The following TTC7B variants were observed in gnomAD, a reference collection of about 807,000 sequenced individuals.
TTC7B encodes the protein tetratricopeptide repeat domain 7B.
In TTC7B, 28 loss-of-function variants were observed where a neutral mutation model predicts 106.8. The ratio of observed to expected loss-of-function variants is 0.26; its 90% CI spans 0.19 to 0.36. The LOEUF (loss-of-function observed/expected upper bound fraction) is 0.36, where lower values mean the gene tolerates loss of function less well. Among genes scored for constraint, TTC7B ranks in the 10% least tolerant of loss-of-function variants. The pLI, the probability that TTC7B is intolerant of heterozygous loss-of-function variation, is 1.00. For missense variants in TTC7B, 862 were observed against 1,076.4 expected, an observed-to-expected ratio of 0.80 and a Z score of 2.79; for synonymous variants, 405 against 430.6, an observed-to-expected ratio of 0.94 and a Z score of 0.74.
chr14:90,639,768 A>C (rs1181696007), intron 15 of TTC7B, among the ~76,000 whole-genome samples: 1 of 152,176 alleles, frequency 6.6e-6, no homozygotes, highest in Non-Finnish European at 1.5e-5. Flanking sequence ...AAAACAACCC[A>C]CGTATCTATT....
At chr14:90,682,371 G>A (rs1887087056) in intron 7 of TTC7B, among the ~76,000 whole-genome samples, 1 of 152,200 alleles carries the variant, frequency 6.6e-6, no homozygotes, top group African/African-American at 2.4e-5. Flanking sequence ...GGCAAGGTGG[G>A]TACTCAGGAG....
intron 14 of TTC7B, chr14:90,645,145 C>T (rs1253355155): frequency 6.6e-6 from 1 of 152,302 alleles, no homozygotes; most frequent in Non-Finnish European, 1.5e-5. Context: ...CAACTCCAGT[C>T]CTCTGTGGGG....
At chr14:90,648,056 T>C (rs550102467) in intron 13 of TTC7B, among the ~76,000 whole-genome samples, 1 of 152,298 alleles carries the variant, frequency 6.6e-6, no homozygotes, top group East Asian at 1.9e-4. Flanking sequence ...TTGGACTGTC[T>C]GCTGCAGGGA....
At chr14:90,754,866 A>G (rs1005202406) in intron 3 of TTC7B, among the ~76,000 whole-genome samples, 1 of 152,218 alleles carries the variant, frequency 6.6e-6, no homozygotes, top group Non-Finnish European at 1.5e-5. Context: ...TTGACTTAGC[A>G]TAATGTTTTC....
In TTC7B at chr14:90,746,324, T is replaced by G. The variant is rs1327857666; in HGVS notation, c.446-1402A>C. 3.3e-5 allele frequency among the ~76,000 whole-genome samples: 5 copies of G among 152,160 alleles called. No homozygotes were observed. The East Asian group carries it at 9.6e-4, about 29-fold the overall frequency. On this transcript the variant is annotated intron_variant, in intron 3 of 19. Coordinates refer to ENST00000328459, the MANE Select transcript of TTC7B (RefSeq NM_001010854.2). ...GCTTTAGTAGTTTATATCTTCCAAATAGTTTGTCCATTTCTTTTGAGTTGT... is the reference window on the plus strand; with the variant it reads ...GCTTTAGTAGTTTATATCTTCCAAAGAGTTTGTCCATTTCTTTTGAGTTGT...
chr14:90,628,944 T>C (rs1884569610), intron 15 of TTC7B, among the ~76,000 whole-genome samples: 1 of 152,262 alleles, frequency 6.6e-6, no homozygotes. Flanking sequence ...AGGTGAGCGA[T>C]TCTTCGGAGG....
At chr14:90,545,734 G>A (rs1889801261) in intron 19 of TTC7B, among the ~76,000 whole-genome samples, 1 of 152,226 alleles carries the variant, frequency 6.6e-6, no homozygotes, top group African/African-American at 2.4e-5. Flanking sequence ...CCAACTGTGG[G>A]GGCTGCAGGG....
chr14:90,750,086 T>C (rs1198882012), intron 3 of TTC7B, among the ~76,000 whole-genome samples: 2 of 152,204 alleles, frequency 1.3e-5, no homozygotes, highest in Non-Finnish European at 2.9e-5. Flanking sequence ...ATAAATAAAA[T>C]GAACAAATTC....
At position 90,538,871 on chromosome 14, in the gene TTC7B, C is replaced by T. The variant is rs1280338234; in HGVS notation, c.*2497G>A. The T allele has an allele frequency of 1.3e-5, 2 of 152,234 alleles. No homozygotes were observed. Among genetic ancestry groups the T allele is most frequent in the South Asian group, 2.1e-4 (1 of 4,824 alleles). The allele number at this position is 152,234 out of a possible 1,614,324, so 9.4% of individuals were successfully genotyped here. A position where few individuals can be genotyped will look rare whatever the true frequency, so the allele number is the denominator to read the frequency against. On this transcript the variant is annotated 3_prime_UTR_variant, in exon 20 of 20. Coordinates refer to ENST00000328459, the MANE Select transcript of TTC7B (RefSeq NM_001010854.2). ...AGTGCTCCAGCGGTGACCCGGGGCCCGGCTCTCTTTCCACCTCCTCATTCT... is the reference window on the plus strand; with the variant it reads ...AGTGCTCCAGCGGTGACCCGGGGCCTGGCTCTCTTTCCACCTCCTCATTCT...
intron 17 of TTC7B, among the ~76,000 whole-genome samples, chr14:90,598,929 C>T (rs956990810): frequency 6.6e-6 from 1 of 152,088 alleles, no homozygotes; most frequent in South Asian, 2.1e-4. Context: ...GGGTGGATCA[C>T]TTGAGGTCAG....
intron 1 of TTC7B, among the ~76,000 whole-genome samples, chr14:90,796,847 T>TC (rs1043660109): frequency 6.2e-5 from 9 of 145,842 alleles, no homozygotes; most frequent in African/African-American, 2.2e-4. Context: ...CATTTCTTTT[T>TC]CTTTTTTTCT....
At chr14:90,638,308 C>A (rs903356101) in intron 15 of TTC7B, among the ~76,000 whole-genome samples, 2 of 152,052 alleles carry the variant, frequency 1.3e-5, no homozygotes, top group Non-Finnish European at 2.9e-5. Flanking sequence ...ATTTTAATCA[C>A]CTCAGAAAAA....
At chr14:90,612,710 A>C (rs569117265) in intron 16 of TTC7B, among the ~76,000 whole-genome samples, 1 of 152,352 alleles carries the variant, frequency 6.6e-6, no homozygotes, top group Admixed American at 6.5e-5. Flanking sequence ...TGTGAGGATG[A>C]CATAAGGTCA....
At chr14:90,777,874 T>A (rs1401301863) in intron 3 of TTC7B, among the ~76,000 whole-genome samples, 1 of 152,198 alleles carries the variant, frequency 6.6e-6, no homozygotes, top group Admixed American at 6.5e-5. Flanking sequence ...CAGCTGACAT[T>A]TACGTTGCGC....
chr14:90,644,215 T>G lies in TTC7B; in HGVS notation c.1591-7A>C, dbSNP rs1885323970. 7 of 1,567,074 alleles carry G rather than the reference T, an allele frequency of 4.5e-6. No homozygotes were observed. The highest frequency in any genetic ancestry group is 6.0e-6 in the Non-Finnish European group (7 of 1,161,538). ...ACCCCAGAGCCTCTGGGATCTGGTTTAAAACAAAACCAAAAAAGGTTTTAC... is the reference window on the plus strand; with the variant it reads ...ACCCCAGAGCCTCTGGGATCTGGTTGAAAACAAAACCAAAAAAGGTTTTAC... On this transcript the variant is annotated splice_region_variant and splice_polypyrimidine_tract_variant and intron_variant, in intron 14 of 19. Coordinates refer to ENST00000328459, the MANE Select transcript of TTC7B (RefSeq NM_001010854.2).
chr14:90,667,098 C>T (rs1886440452), intron 9 of TTC7B, among the ~76,000 whole-genome samples: 1 of 152,228 alleles, frequency 6.6e-6, no homozygotes, highest in South Asian at 2.1e-4. Context: ...TGGCTTGGGG[C>T]ACTGGGTTTT....
At chr14:90,541,934 CT>C (rs1889610984) in intron 19 of TTC7B, among the ~76,000 whole-genome samples, 1 of 152,162 alleles carries the variant, frequency 6.6e-6, no homozygotes, top group Admixed American at 6.5e-5. Flanking sequence ...GACTATCATC[CT>C]TTTCTGTTTG....
chr14:90,583,686 C>A (rs1353792556), intron 18 of TTC7B, among the ~76,000 whole-genome samples: 1 of 152,100 alleles, frequency 6.6e-6, no homozygotes, highest in Non-Finnish European at 1.5e-5. Flanking sequence ...TCTGTCCTGG[C>A]CGCTGGTGGC....
At chr14:90,659,728 T>C (rs1244154304) in intron 9 of TTC7B, among the ~76,000 whole-genome samples, 1 of 152,066 alleles carries the variant, frequency 6.6e-6, no homozygotes, top group Non-Finnish European at 1.5e-5. Flanking sequence ...ACACAGGCCA[T>C]GGGGACCAAT....
Sources: allele counts gnomAD v4.1 joint callset (sites outside exome capture counted in the v4.1 genomes callset), GRCh38; gene constraint gnomAD v4.1.1; transcripts MANE v1.5; gene names NCBI Gene and HGNC (gene_info 2026-07-23, HGNC 2026-07-21).